The following CFTR variants were observed in gnomAD, a reference collection of about 807,000 sequenced individuals.
The protein encoded by CFTR is CF transmembrane conductance regulator.
Under a neutral mutation model 171.6 loss-of-function variants are expected in CFTR, and 181 were observed. The ratio of observed to expected loss-of-function variants is 1.05; its 90% confidence interval spans 0.93 to 1.19. The LOEUF (loss-of-function observed/expected upper bound fraction) is 1.19, where lower values mean the gene tolerates loss of function less well. Among genes scored for constraint, CFTR ranks in the 50% most tolerant of loss-of-function variants. The pLI is 0.00. For missense variants in CFTR, 1,968 were observed against 1,734.7 expected, an observed-to-expected ratio of 1.13 and a Z score of -2.39; for synonymous variants, 583 against 608.0, an observed-to-expected ratio of 0.96 and a Z score of 0.60.
chr7:117,589,216 T>C (rs1791991741), intron 12 of CFTR, among the ~76,000 whole-genome samples: 1 of 152,018 alleles, frequency 6.6e-6, no homozygotes, highest in Non-Finnish European at 1.5e-5. Flanking sequence ...AGGGAGAGAA[T>C]TAAGAACAGA....
intron 17 of CFTR, chr7:117,605,058 G>A (rs182803016): frequency 6.6e-6 from 1 of 152,322 alleles, no homozygotes; most frequent in East Asian, 1.9e-4. Flanking sequence ...TTACTTGCCT[G>A]CTACATAGCC....
intron 21 of CFTR, among the ~76,000 whole-genome samples, chr7:117,619,001 A>G (rs1475598027): frequency 6.6e-6 from 1 of 152,198 alleles, no homozygotes; most frequent in African/African-American, 2.4e-5. Flanking sequence ...TTTAACATAA[A>G]TTGTGGCTAT....
At chr7:117,650,174 G>A (rs1793068593) in intron 23 of CFTR, among the ~76,000 whole-genome samples, 1 of 152,164 alleles carries the variant, frequency 6.6e-6, no homozygotes, top group African/African-American at 2.4e-5. Flanking sequence ...TCTAATTTCT[G>A]TTGTAGTGAA....
intron 18 of CFTR, among the ~76,000 whole-genome samples, chr7:117,608,259 C>A (rs567637280): frequency 6.6e-6 from 1 of 152,046 alleles, no homozygotes; most frequent in African/African-American, 2.4e-5. Context: ...GGCTGGAGTG[C>A]AGTGATGCAA....
chr7:117,642,851 CTT>C (rs1792941775), intron 23 of CFTR, among the ~76,000 whole-genome samples: 1 of 152,054 alleles, frequency 6.6e-6, no homozygotes, highest in African/African-American at 2.4e-5. Context: ...GAGCCTTGGG[CTT>C]TTGTTTTTTA....
chr7:117,592,398 A>G lies in CFTR; in HGVS notation c.2231A>G (p.Gln744Arg). Residue 744 changes from glutamine to arginine, a missense_variant, in exon 14 of 27, where the codon CAG becomes CGG. By Grantham distance (43) the Gln-to-Arg change is conservative (BLOSUM62 1). Coordinates refer to ENST00000003084, the MANE Select transcript of CFTR (RefSeq NM_000492.4). Reference protein sequence around the residue: ...RRLSLVPDSEQGEAILPRISV... With the variant: ...RRLSLVPDSERGEAILPRISV... ...CTGTCCTTAGTACCAGATTCTGAGC[A>G]GGGAGAGGCGATACTGCCTCGCATC... is the stretch of plus-strand genomic sequence containing the variant. The G allele has an allele frequency of 3.7e-6, 6 of 1,613,920 alleles. No homozygotes were observed. The highest frequency in any genetic ancestry group is 5.1e-6 in the Non-Finnish European group (6 of 1,179,916).
intron 23 of CFTR, among the ~76,000 whole-genome samples, chr7:117,643,419 G>A (rs1428472694): frequency 6.6e-6 from 1 of 152,032 alleles, no homozygotes; most frequent in Non-Finnish European, 1.5e-5. Flanking sequence ...AATGCCAGGA[G>A]CACCTCCAGG....
In CFTR at chr7:117,509,231, G is replaced by C; in HGVS notation, c.273+89G>C. 1.3e-5 allele frequency: 11 copies of C among 827,460 alleles called. No homozygotes were observed. In the South Asian group the frequency reaches 1.5e-4, roughly 11 times the overall value. 51.3% of individuals were successfully genotyped at this position (827,460 alleles called of 1,614,324 possible). ...AAAGACTACGAAATCTGGTGAATAG[G>C]TGTAAAAATATAAAGGATGAATCCA... On this transcript the variant is annotated intron_variant, in intron 3 of 26. Transcript: ENST00000003084.
intron 12 of CFTR, among the ~76,000 whole-genome samples, chr7:117,590,080 G>A (rs1792002557): frequency 6.6e-6 from 1 of 151,980 alleles, no homozygotes; most frequent in Non-Finnish European, 1.5e-5. Context: ...CTTACAGTTA[G>A]CAAAATCACT....
At chr7:117,636,580 AGTT>A in intron 22 of CFTR, among the ~76,000 whole-genome samples, 1 of 147,360 alleles carries the variant, frequency 6.8e-6, no homozygotes, top group Middle Eastern at 3.5e-3. Flanking sequence ...TGTTTTTTTC[AGTT>A]TTTTTTTCCT....
At chr7:117,543,979 T>A (rs1253638596) in intron 9 of CFTR, among the ~76,000 whole-genome samples, 2 of 152,232 alleles carry the variant, frequency 1.3e-5, no homozygotes, top group East Asian at 3.8e-4. Context: ...GAAATCTCTT[T>A]CTCAGCTTGG....
chr7:117,599,503 C>A (rs900838644), intron 15 of CFTR, among the ~76,000 whole-genome samples: 1 of 151,978 alleles, frequency 6.6e-6, no homozygotes, highest in Non-Finnish European at 1.5e-5. Context: ...ATATAAATAT[C>A]TATTATTTAT....
chr7:117,522,078 G>C (rs1315931912), intron 3 of CFTR, among the ~76,000 whole-genome samples: 2 of 152,146 alleles, frequency 1.3e-5, no homozygotes, highest in African/African-American at 4.8e-5. Context: ...TTCCCTGGGA[G>C]GCTGATCTAA....
At chr7:117,565,694 T>C (rs1238879133) in intron 11 of CFTR, among the ~76,000 whole-genome samples, 1 of 152,126 alleles carries the variant, frequency 6.6e-6, no homozygotes, top group Non-Finnish European at 1.5e-5. Context: ...TAATAAAAAT[T>C]TATTTACAGT....
At chr7:117,643,768 C>T (rs1365162901) in intron 23 of CFTR, among the ~76,000 whole-genome samples, 1 of 152,148 alleles carries the variant, frequency 6.6e-6, no homozygotes, top group African/African-American at 2.4e-5. Context: ...TGTTGTTATT[C>T]AGTAGAACCT....
chr7:117,583,605 C>T (rs935503173), intron 11 of CFTR, among the ~76,000 whole-genome samples: 24 of 151,072 alleles, frequency 1.6e-4, no homozygotes, highest in East Asian at 1.4e-3. Flanking sequence ...CCCATATTTT[C>T]GCAATTATGA....
At chr7:117,559,249 A>C (rs945819996) in intron 10 of CFTR, among the ~76,000 whole-genome samples, 3 of 152,132 alleles carry the variant, frequency 2.0e-5, no homozygotes, top group African/African-American at 7.2e-5. Context: ...AATACTTGTC[A>C]CACTGTATTG....
At chr7:117,535,136 A>T in intron 5 of CFTR, 112 bp from the exon 6 acceptor site, 1 of 1,111,666 alleles carries the variant, frequency 9.0e-7, no homozygotes, top group South Asian at 1.2e-5. Context: ...CAGAACCACG[A>T]AGTGTTTGAT....
At position 117,627,968 on chromosome 7, in the gene CFTR, T is replaced by C. The variant is rs1792681589; in HGVS notation, c.3717+198T>C. The C allele has an allele frequency of 9.0e-6, 5 of 553,902 alleles. No homozygotes were observed. In the South Asian group the frequency reaches 1.2e-4, roughly 13 times the overall value. The allele number at this position is 553,902 out of a possible 1,614,324, so 34.3% of individuals were successfully genotyped here. ...TTTGCAGAGTCCTGAACCTATATAA[T>C]GGGTTTATTTTAAATGTGATTGTAC... On this transcript the variant is annotated intron_variant, in intron 22 of 26. Transcript: ENST00000003084.
Sources: gnomAD v4.1 joint callset for allele counts (sites outside exome capture counted in the v4.1 genomes callset) on GRCh38, gnomAD v4.1.1 for gene constraint, MANE v1.5 for transcripts, NCBI Gene and HGNC (gene_info 2026-07-23, HGNC 2026-07-21) for gene names.